Variants in WDR7 observed in about 807,000 individuals in gnomAD.
WDR7 encodes WD repeat domain 7.
A neutral mutation model predicts 169.4 loss-of-function variants in WDR7; 46 were observed. The ratio of observed to expected loss-of-function variants is 0.27; its 90% CI spans 0.21 to 0.35. The LOEUF is 0.35. WDR7 is among the 10% of genes least tolerant of loss of function. WDR7 has a pLI of 1.00. For synonymous variants in WDR7, 612 were observed against 666.8 expected (o/e 0.92, Z 1.27); for missense variants, 1,534 against 1,859.3 (o/e 0.83, Z 3.22).
At chr18:56,957,407 C>T (rs1414044437) in intron 25 of WDR7, 1 of 151,402 alleles carries the variant, frequency 6.6e-6, no homozygotes, top group African/African-American at 2.4e-5. Flanking sequence ...TGCGCTTTGC[C>T]ATTACTGATG....
Position 57,024,658 on chromosome 18 carries a change from T to A in WDR7, c.4270-2346T>A, listed in dbSNP as rs62100198. Reference sequence around the variant, plus strand: ...GTTATGTCCCTTATAGAATTTCACATATCCCTATTCTCAGACAGGAATAGG... The same window carrying A: ...GTTATGTCCCTTATAGAATTTCACAAATCCCTATTCTCAGACAGGAATAGG... On this transcript the variant is annotated intron_variant, in intron 27 of 27. Coordinates refer to ENST00000254442, the MANE Select transcript of WDR7 (RefSeq NM_015285.3). Among the ~76,000 whole-genome samples, 58 of 104,410 alleles carry A rather than the reference T, an allele frequency of 5.6e-4. 3 individuals are homozygous for A. The highest frequency in any genetic ancestry group is 0.011 in the Middle Eastern group (2 of 178). The allele number at this position is 104,410 out of a possible 152,430, so 68.5% of individuals were successfully genotyped here.
At chr18:56,799,369 C>G (rs183202440) in intron 19 of WDR7, among the ~76,000 whole-genome samples, 2 of 152,188 alleles carry the variant, frequency 1.3e-5, no homozygotes, top group Admixed American at 6.5e-5. Context: ...ATGACAATAT[C>G]TTAAGTATTA....
intron 20 of WDR7, among the ~76,000 whole-genome samples, chr18:56,854,021 A>G (rs2045679680): frequency 6.6e-6 from 1 of 152,176 alleles, no homozygotes; most frequent in African/African-American, 2.4e-5. Flanking sequence ...TCTTCTGTAC[A>G]CATACATATA....
chr18:56,660,066 G>C (rs1370270979), intron 1 of WDR7, among the ~76,000 whole-genome samples: 1 of 152,108 alleles, frequency 6.6e-6, no homozygotes, highest in Non-Finnish European at 1.5e-5. Context: ...TGATGGATTG[G>C]GATGTGGAAT....
intron 12 of WDR7, among the ~76,000 whole-genome samples, chr18:56,697,645 C>G (rs2025732773): frequency 6.6e-6 from 1 of 151,930 alleles, no homozygotes; most frequent in Admixed American, 6.6e-5. Flanking sequence ...TGTTACAACC[C>G]CTCTCCTAAA....
At chr18:56,923,709 T>G (rs960902956) in intron 21 of WDR7, among the ~76,000 whole-genome samples, 4 of 152,244 alleles carry the variant, frequency 2.6e-5, no homozygotes, top group African/African-American at 9.6e-5. Flanking sequence ...TAAAACACTT[T>G]AGAATATGGT....
chr18:56,829,919 A>T (rs2092475517), intron 20 of WDR7, among the ~76,000 whole-genome samples: 1 of 152,216 alleles, frequency 6.6e-6, no homozygotes, highest in East Asian at 1.9e-4. Flanking sequence ...AAGTTTAAAG[A>T]TAGATAAGTC....
chr18:56,915,981 G>A (rs1243666763), intron 21 of WDR7, among the ~76,000 whole-genome samples: 1 of 152,120 alleles, frequency 6.6e-6, no homozygotes, highest in East Asian at 1.9e-4. Flanking sequence ...GTAATCCACT[G>A]CCTGTCACTG....
intron 2 of WDR7, among the ~76,000 whole-genome samples, chr18:56,673,297 T>A (rs1380684441): frequency 2.0e-5 from 3 of 152,112 alleles, no homozygotes; most frequent in Non-Finnish European, 2.9e-5. Context: ...GAATTTGTTG[T>A]CAAAGGAAAA....
At chr18:56,903,321 CTTG>C (rs758764129) in intron 21 of WDR7, among the ~76,000 whole-genome samples, 2 of 152,084 alleles carry the variant, frequency 1.3e-5, no homozygotes, top group East Asian at 1.9e-4. Flanking sequence ...GTAAAATTCA[CTTG>C]TTGTTTTGAG....
At chr18:56,980,243 AT>A (rs1371638058) in intron 26 of WDR7, among the ~76,000 whole-genome samples, 1 of 152,142 alleles carries the variant, frequency 6.6e-6, no homozygotes, top group Non-Finnish European at 1.5e-5. Flanking sequence ...CCTCAGCCAT[AT>A]TTTTAATACA....
chr18:56,732,589 A>G (rs1368559526), intron 14 of WDR7, among the ~76,000 whole-genome samples: 1 of 152,208 alleles, frequency 6.6e-6, no homozygotes, highest in Non-Finnish European at 1.5e-5. Context: ...AGTAGTTCGC[A>G]GTAATGTCAC....
At chr18:56,882,246 A>G (rs1428215412) in intron 21 of WDR7, among the ~76,000 whole-genome samples, 2 of 152,250 alleles carry the variant, frequency 1.3e-5, no homozygotes, top group African/African-American at 2.4e-5. Context: ...CCCAGGACTT[A>G]ACATATGTAG....
At chr18:56,961,691 AAAT>A (rs2047341893) in intron 25 of WDR7, among the ~76,000 whole-genome samples, 1 of 152,194 alleles carries the variant, frequency 6.6e-6, no homozygotes, top group Non-Finnish European at 1.5e-5. Flanking sequence ...GGAAAAATAA[AAAT>A]AAATAATAAA....
intron 22 of WDR7, among the ~76,000 whole-genome samples, chr18:56,930,722 A>G (rs1231844913): frequency 6.6e-6 from 1 of 152,208 alleles, no homozygotes; most frequent in African/African-American, 2.4e-5. Context: ...TGTGTTTTTA[A>G]AGTCATTTTA....
At chr18:56,660,948 A>G (rs2024892293) in intron 1 of WDR7, among the ~76,000 whole-genome samples, 1 of 152,190 alleles carries the variant, frequency 6.6e-6, no homozygotes, top group Admixed American at 6.5e-5. Flanking sequence ...GAGACATCAC[A>G]TATTTCCTCA....
chr18:56,952,095 C>T (rs2047192220), intron 25 of WDR7, among the ~76,000 whole-genome samples: 1 of 152,178 alleles, frequency 6.6e-6, no homozygotes, highest in South Asian at 2.1e-4. Context: ...ATCTGGAAAA[C>T]TCAGCTATGC....
At chr18:56,684,658 C>T (rs944160705) in intron 5 of WDR7, among the ~76,000 whole-genome samples, 1 of 152,070 alleles carries the variant, frequency 6.6e-6, no homozygotes, top group South Asian at 2.1e-4. Context: ...AGTGGACTGT[C>T]GGAATAGTGG....
intron 21 of WDR7, among the ~76,000 whole-genome samples, chr18:56,921,126 ATGCTTCCTATTAATCAACAAG>A (rs1427300976): frequency 6.6e-6 from 1 of 152,238 alleles, no homozygotes; most frequent in Non-Finnish European, 1.5e-5. Flanking sequence ...GAAAAGTAGT[ATGCTTCCTATTAATCAACAAG>A]GCTAGAAATC....
Sources: allele counts gnomAD v4.1 joint callset (sites outside exome capture counted in the v4.1 genomes callset), GRCh38; gene constraint gnomAD v4.1.1; transcripts MANE v1.5; gene names NCBI Gene and HGNC (gene_info 2026-07-23, HGNC 2026-07-21).